PRKCB: variants seen among roughly 807,000 people sequenced by gnomAD.
PRKCB encodes protein kinase C beta.
Under a neutral mutation model 81.5 loss-of-function variants are expected in PRKCB, and 13 were observed. The ratio of observed to expected loss-of-function variants is 0.16; its 90% CI spans 0.10 to 0.25. The LOEUF is 0.25. PRKCB is among the 10% of genes least tolerant of loss of function. PRKCB has a pLI of 1.00. For missense variants in PRKCB, 509 were observed against 875.7 expected (o/e 0.58, Z 5.29); for synonymous variants, 335 against 321.4 (o/e 1.04, Z -0.45).
At chr16:24,006,600 G>T (rs546021614) in intron 3 of PRKCB, among the ~76,000 whole-genome samples, 2 of 152,324 alleles carry the variant, frequency 1.3e-5, no homozygotes, top group South Asian at 4.1e-4. Flanking sequence ...AAAAGATGTG[G>T]CATCCTTCAG....
At chr16:24,084,928 T>C (rs564649409) in intron 5 of PRKCB, among the ~76,000 whole-genome samples, 1 of 152,250 alleles carries the variant, frequency 6.6e-6, no homozygotes, top group East Asian at 1.9e-4. Flanking sequence ...TGTGTGACAC[T>C]TTCCCCTGGG....
chr16:24,049,893 TA>T (rs1965820218), intron 5 of PRKCB, among the ~76,000 whole-genome samples: 1 of 152,120 alleles, frequency 6.6e-6, no homozygotes, highest in Non-Finnish European at 1.5e-5. Context: ...CATCATGGAA[TA>T]AGGGATTTAC....
intron 14 of PRKCB, 42 bp from the exon 15 acceptor site, chr16:24,185,418 C>T: frequency 6.4e-7 from 1 of 1,563,992 alleles, no homozygotes; most frequent in Non-Finnish European, 8.8e-7. Context: ...GGGGAGGGTT[C>T]AAGCAGGGAT....
chr16:24,075,554 G>A (rs1172044726), intron 5 of PRKCB, among the ~76,000 whole-genome samples: 4 of 152,152 alleles, frequency 2.6e-5, no homozygotes, highest in Non-Finnish European at 5.9e-5. Context: ...CTCTGTTTGG[G>A]GTCTTTAAAC....
At chr16:24,065,848 A>G (rs892353622) in intron 5 of PRKCB, among the ~76,000 whole-genome samples, 19 of 152,162 alleles carry the variant, frequency 1.2e-4, no homozygotes, top group South Asian at 4.1e-4. Context: ...ATCTCTGGGG[A>G]AAAAAAATCT....
chr16:23,991,225 G>T (rs1421643349), intron 3 of PRKCB, among the ~76,000 whole-genome samples: 3 of 152,248 alleles, frequency 2.0e-5, no homozygotes, highest in Non-Finnish European at 4.4e-5. Context: ...ACACAAAGAT[G>T]CTGGAGCATA....
intron 1 of PRKCB, 56 bp from the exon 2 acceptor site, chr16:23,837,319 A>G: frequency 3.7e-6 from 6 of 1,607,594 alleles, no homozygotes; most frequent in Non-Finnish European, 5.1e-6. Flanking sequence ...GTGGGTAACT[A>G]GCTGGAGGCT....
At chr16:24,161,436 G>A (rs1445494061) in intron 10 of PRKCB, among the ~76,000 whole-genome samples, 2 of 152,266 alleles carry the variant, frequency 1.3e-5, no homozygotes, top group East Asian at 1.9e-4. Flanking sequence ...ATTTGATTTA[G>A]GGAGGGGTCT....
At chr16:23,880,211 G>GACTCA (rs1410949425) in intron 2 of PRKCB, among the ~76,000 whole-genome samples, 2 of 152,098 alleles carry the variant, frequency 1.3e-5, no homozygotes, top group African/African-American at 4.8e-5. Flanking sequence ...CACCTCTTGT[G>GACTCA]CTCACACAGA....
At chr16:24,020,978 T>TTCTTTCTTTCTTTC (rs1965354472) in intron 3 of PRKCB, among the ~76,000 whole-genome samples, 1 of 85,538 alleles carries the variant, frequency 1.2e-5, no homozygotes, top group African/African-American at 5.2e-5. Flanking sequence ...ACTTTTCTTT[T>TTCTTTCTTTCTTTC]TCTTTCTTTC....
intron 10 of PRKCB, among the ~76,000 whole-genome samples, chr16:24,165,983 A>G (rs574948796): frequency 6.9e-6 from 1 of 144,434 alleles, no homozygotes; most frequent in Non-Finnish European, 1.5e-5. Flanking sequence ...ACATCCTGGG[A>G]TCAAGCCATT....
At chr16:24,035,792 C>T (rs1965608711) in intron 5 of PRKCB, among the ~76,000 whole-genome samples, 1 of 152,196 alleles carries the variant, frequency 6.6e-6, no homozygotes, top group Non-Finnish European at 1.5e-5. Flanking sequence ...GACTTGGGTT[C>T]AGAGAGGAGA....
intron 5 of PRKCB, among the ~76,000 whole-genome samples, chr16:24,044,736 A>G (rs1455849607): frequency 2.6e-5 from 4 of 152,240 alleles, no homozygotes; most frequent in African/African-American, 2.4e-5. Flanking sequence ...CGTAGTTGTG[A>G]CAAAGCTTGT....
rs71154251 is a variant in PRKCB at position 23,875,654 on chromosome 16, TCA to T, written c.205+38253_205+38254del. ...TATATCACACATATATGTATGTATA[TCA>T]CACATATATATGTATGTATATCACA... is the stretch of plus-strand genomic sequence containing the variant. On this transcript the variant is annotated intron_variant, in intron 2 of 16. Coordinates refer to ENST00000643927, the MANE Select transcript of PRKCB (RefSeq NM_002738.7). 9.3e-4 allele frequency among the ~76,000 whole-genome samples: 88 copies of T among 94,572 alleles called. 6 individuals are homozygous for T. Among genetic ancestry groups the T allele is most frequent in the South Asian group, 1.3e-3 (3 of 2,354 alleles). 62.0% of individuals were successfully genotyped at this position (94,572 alleles called of 152,430 possible).
chr16:24,193,665 G>T (rs889776444), intron 16 of PRKCB, among the ~76,000 whole-genome samples: 1 of 152,034 alleles, frequency 6.6e-6, no homozygotes, highest in South Asian at 2.1e-4. Context: ...TCTAGTCAGG[G>T]CATGGGGTGA....
chr16:23,960,124 AG>A (rs1343674719), intron 2 of PRKCB, among the ~76,000 whole-genome samples: 2 of 152,194 alleles, frequency 1.3e-5, no homozygotes, highest in African/African-American at 4.8e-5. Flanking sequence ...AATGTCCCCC[AG>A]GGCCCATCCT....
At chr16:23,998,230 T>A (rs1964985438) in intron 3 of PRKCB, among the ~76,000 whole-genome samples, 1 of 152,166 alleles carries the variant, frequency 6.6e-6, no homozygotes, top group Admixed American at 6.5e-5. Flanking sequence ...GCACCTATGG[T>A]TCTCAGGTCT....
chr16:23,905,930 A>C (rs1963553113), intron 2 of PRKCB, among the ~76,000 whole-genome samples: 2 of 152,110 alleles, frequency 1.3e-5, no homozygotes, highest in African/African-American at 4.8e-5. Flanking sequence ...ATTCCCTTTT[A>C]TGATGCATAA....
intron 2 of PRKCB, among the ~76,000 whole-genome samples, chr16:23,861,742 G>A (rs1962668679): frequency 6.6e-6 from 1 of 152,168 alleles, no homozygotes; most frequent in African/African-American, 2.4e-5. Flanking sequence ...TGTGGTGCTT[G>A]GAGCTGTGGC....
Sources: allele counts gnomAD v4.1 joint callset (sites outside exome capture counted in the v4.1 genomes callset), GRCh38; gene constraint gnomAD v4.1.1; transcripts MANE v1.5; gene names NCBI Gene and HGNC (gene_info 2026-07-23, HGNC 2026-07-21).